SYNJ1: variants seen among roughly 807,000 people sequenced by gnomAD.
SYNJ1 encodes the protein synaptojanin 1.
SYNJ1 carries 78 observed loss-of-function variants against 168.2 expected under a neutral mutation model. The observed-to-expected ratio is 0.46, with a 90% CI of 0.39 to 0.56. SYNJ1 has a LOEUF of 0.56. Among genes scored for constraint, SYNJ1 ranks in the 20% least tolerant of loss-of-function variants. SYNJ1 has a pLI of 0.00. For synonymous variants in SYNJ1, 539 were observed against 548.6 expected (o/e 0.98, Z 0.24); for missense variants, 1,303 against 1,597.6 (o/e 0.82, Z 3.14).
At chr21:32,679,753 TTAAG>T (rs1210187439) in intron 11 of SYNJ1, among the ~76,000 whole-genome samples, 3 of 152,166 alleles carry the variant, frequency 2.0e-5, no homozygotes, top group Non-Finnish European at 4.4e-5. Context: ...ATGTTTGGCA[TTAAG>T]TGTTATTTCT....
chr21:32,649,865 T>C (rs1479451596), intron 23 of SYNJ1, among the ~76,000 whole-genome samples: 1 of 152,168 alleles, frequency 6.6e-6, no homozygotes, highest in Non-Finnish European at 1.5e-5. Flanking sequence ...TTCTCCTGCC[T>C]CAGCCTCCTG....
At chr21:32,694,182 T>A (rs140975336) in intron 6 of SYNJ1, 46 bp downstream of exon 6, 1 of 1,348,240 alleles carries the variant, frequency 7.4e-7, no homozygotes, top group African/African-American at 1.5e-5. Flanking sequence ...TTAGAAAATA[T>A]GAAAATTGTT....
intron 9 of SYNJ1, 51 bp downstream of exon 9, chr21:32,685,697 A>C: frequency 7.3e-7 from 1 of 1,377,450 alleles, no homozygotes; most frequent in East Asian, 2.6e-5. Flanking sequence ...GTTAAGAATA[A>C]TTTTTAATTA....
At chr21:32,722,205 A>AAAATATATAT (rs1286564956) in intron 2 of SYNJ1, among the ~76,000 whole-genome samples, 5 of 65,728 alleles carry the variant, frequency 7.6e-5, no homozygotes, top group African/African-American at 2.9e-4. Context: ...AAAAAAAAAA[A>AAAATATATAT]ATATATATAT....
rs114437068 is a variant in SYNJ1, at chr21:32,703,718, T to C, written c.125-1671A>G. Among the ~76,000 whole-genome samples, 844 of 152,064 alleles carry C rather than the reference T, an allele frequency of 5.6e-3. 7 individuals carry two copies. Among genetic ancestry groups the C allele is most frequent in the African/African-American group, 0.02 (812 of 41,492 alleles). ...GGCAGTAGGAGTTAAGAAGAAAATA[T>C]AGTTTTATTTTTATTTTTATTTTTT... On this transcript the variant is annotated intron_variant, in intron 2 of 32. Transcript: ENST00000674351.
chr21:32,639,426 CT>C (rs2039728241), intron 30 of SYNJ1, among the ~76,000 whole-genome samples: 4 of 152,000 alleles, frequency 2.6e-5, no homozygotes, highest in Admixed American at 2.0e-4. Flanking sequence ...GGGTCTTGTT[CT>C]TTTGCCCAGG....
rs527306386 is a variant in SYNJ1 at position 32,700,079 on chromosome 21, G to A, written c.238C>T (p.Leu80=). The A allele has an allele frequency of 6.2e-7, 1 of 1,613,582 alleles. No homozygotes were observed. The highest frequency in any genetic ancestry group is 1.3e-5 in the African/African-American group (1 of 74,992). Residue 80 remains leucine, a synonymous_variant, in exon 4 of 33, where the codon CTA becomes TTA. Transcript: ENST00000674351. ...LGDTMLHYLV[L]VTGCMSVGKI... is the part of the protein sequence containing the mutation. Reference sequence around the variant, plus strand: ...CCAACAGACATACATCCAGTGACTAGGACCAGATAATGTAACATAGTATCA... The same window carrying A: ...CCAACAGACATACATCCAGTGACTAAGACCAGATAATGTAACATAGTATCA...
intron 12 of SYNJ1, among the ~76,000 whole-genome samples, chr21:32,677,314 C>A (rs569178594): frequency 2.0e-5 from 3 of 152,232 alleles, no homozygotes; most frequent in South Asian, 2.1e-4. Context: ...TAAGCTCATG[C>A]AAAATTGGCC....
chr21:32,657,606 C>T, intron 19 of SYNJ1, 110 bp downstream of exon 19: 1 of 969,422 alleles, frequency 1.0e-6, no homozygotes, highest in Non-Finnish European at 1.4e-6. Context: ...TATTCTATTC[C>T]AGTTAATGTT....
chr21:32,724,155 C>G (rs2043356750), intron 2 of SYNJ1, among the ~76,000 whole-genome samples: 1 of 152,142 alleles, frequency 6.6e-6, no homozygotes, highest in Non-Finnish European at 1.5e-5. Flanking sequence ...CAAACTTAAT[C>G]TTGGTGAAAA....
intron 17 of SYNJ1, among the ~76,000 whole-genome samples, chr21:32,665,699 G>A (rs977180014): frequency 3.9e-4 from 59 of 152,158 alleles, no homozygotes; most frequent in African/African-American, 1.2e-3. Flanking sequence ...TTGGGCACAT[G>A]TCATTCTGAA....
intron 6 of SYNJ1, among the ~76,000 whole-genome samples, chr21:32,688,931 T>C (rs2041925842): frequency 6.6e-6 from 1 of 152,248 alleles, no homozygotes; most frequent in Non-Finnish European, 1.5e-5. Context: ...ATTGAGAATA[T>C]CATTCCTTCC....
chr21:32,649,723 A>G (rs1430039341), intron 23 of SYNJ1, among the ~76,000 whole-genome samples: 1 of 152,234 alleles, frequency 6.6e-6, no homozygotes, highest in African/African-American at 2.4e-5. Flanking sequence ...TACGCAAAAT[A>G]AACACAATAT....
chr21:32,685,371 G>A (rs377615950), intron 9 of SYNJ1, among the ~76,000 whole-genome samples: 1 of 145,206 alleles, frequency 6.9e-6, no homozygotes, highest in African/African-American at 2.6e-5. Context: ...TGGATCACTT[G>A]AGCCCAGGAG....
rs756493514 is a variant in SYNJ1 at position 32,699,867 on chromosome 21, T to C, written c.450A>G (p.Gln150=). ...AAAATCTATTATCAGTTGTCTGTTC[T>C]TGCATGCTACGATGCGCATTAAGAC... The part of the protein sequence containing the change: ...DLSLNAHRSM[Q]EQTTDNRFFW... The change falls in exon 4 of 33, where the codon CAA becomes CAG. Residue 150 remains glutamine, a synonymous_variant. Coordinates refer to ENST00000674351, the MANE Select transcript of SYNJ1 (RefSeq NM_203446.3). The C allele has an allele frequency of 9.3e-6, 15 of 1,613,572 alleles. No homozygotes were observed. In the South Asian group the frequency reaches 1.5e-4, roughly 17 times the overall value.
At chr21:32,649,080 C>T (rs1028385393) in intron 23 of SYNJ1, among the ~76,000 whole-genome samples, 1 of 152,210 alleles carries the variant, frequency 6.6e-6, no homozygotes, top group African/African-American at 2.4e-5. Flanking sequence ...TTTCCCAAAT[C>T]CAGGTTAAGC....
chr21:32,686,943 T>A (rs755121703), intron 8 of SYNJ1, 35 bp downstream of exon 8: 1 of 1,330,074 alleles, frequency 7.5e-7, no homozygotes, highest in Admixed American at 2.5e-5. Flanking sequence ...TAGGTGTCCA[T>A]GGGCCAGAAT....
intron 2 of SYNJ1, among the ~76,000 whole-genome samples, chr21:32,710,159 C>T (rs2042775583): frequency 6.6e-6 from 1 of 152,152 alleles, no homozygotes; most frequent in South Asian, 2.1e-4. Flanking sequence ...GAGATTACAT[C>T]ATTGTACTCC....
chr21:32,660,864 G>A (rs1485512194), intron 18 of SYNJ1, among the ~76,000 whole-genome samples: 1 of 152,214 alleles, frequency 6.6e-6, no homozygotes. Flanking sequence ...TAGAGGCAGT[G>A]TGGAAACCTC....
Sources: gnomAD v4.1 joint callset for allele counts (sites outside exome capture counted in the v4.1 genomes callset) on GRCh38, gnomAD v4.1.1 for gene constraint, MANE v1.5 for transcripts, NCBI Gene and HGNC (gene_info 2026-07-23, HGNC 2026-07-21) for gene names.